Variants in HIVEP3 observed in about 807,000 individuals in gnomAD.
HIVEP3 encodes HIVEP zinc finger 3.
In HIVEP3, 49 loss-of-function variants were observed where a neutral mutation model predicts 152.8. The ratio of observed to expected loss-of-function variants is 0.32; its 90% CI spans 0.26 to 0.41. HIVEP3 has a LOEUF of 0.41. HIVEP3 is among the 10% of genes least tolerant of loss of function. The pLI, the probability that HIVEP3 is intolerant of heterozygous loss-of-function variation, is 1.00. For synonymous variants in HIVEP3, 1,269 were observed against 1,289.0 expected, an observed-to-expected ratio of 0.98 and a Z score of 0.33; for missense variants, 2,790 against 3,103.3, an observed-to-expected ratio of 0.90 and a Z score of 2.40.
At chr1:41,929,739 T>TATATATATATATATATATAC in intron 1 of HIVEP3, among the ~76,000 whole-genome samples, 1 of 133,944 alleles carries the variant, frequency 7.5e-6, no homozygotes, top group African/African-American at 3.3e-5. Flanking sequence ...TATATATATA[T>TATATATATATATATATATAC]ATATATATAT....
chr1:41,673,255 C>T (rs1645904836), intron 2 of HIVEP3, among the ~76,000 whole-genome samples: 1 of 152,224 alleles, frequency 6.6e-6, no homozygotes, highest in Admixed American at 6.5e-5. Context: ...CGACTGGGGT[C>T]TCCCAGAGGC....
At chr1:41,697,010 G>A (rs1391650821) in intron 2 of HIVEP3, among the ~76,000 whole-genome samples, 2 of 152,102 alleles carry the variant, frequency 1.3e-5, no homozygotes, top group African/African-American at 4.8e-5. Context: ...ACATTTATAC[G>A]GCTGGCTGGT....
intron 5 of HIVEP3, among the ~76,000 whole-genome samples, chr1:41,530,679 C>A (rs915661161): frequency 6.6e-6 from 1 of 152,192 alleles, no homozygotes; most frequent in Non-Finnish European, 1.5e-5. Context: ...TAGCCTTCAC[C>A]CTGCTGATCC....
chr1:41,555,497 C>T (rs993393451), intron 5 of HIVEP3, among the ~76,000 whole-genome samples: 8 of 152,218 alleles, frequency 5.3e-5, no homozygotes, highest in Admixed American at 1.3e-4. Context: ...CCTCCATGGG[C>T]TGCACCCACT....
At chr1:41,843,656 T>C (rs915229159) in intron 1 of HIVEP3, among the ~76,000 whole-genome samples, 5 of 152,176 alleles carry the variant, frequency 3.3e-5, no homozygotes, top group African/African-American at 1.2e-4. Flanking sequence ...ACTCACCCTT[T>C]AAAAGTAAAA....
intron 1 of HIVEP3, among the ~76,000 whole-genome samples, chr1:41,778,390 C>T (rs1290441926): frequency 6.6e-6 from 1 of 152,188 alleles, no homozygotes; most frequent in Non-Finnish European, 1.5e-5. Flanking sequence ...TCACCATGAG[C>T]CTGCCCGGCT....
chr1:42,021,649 C>G (rs1198986388), intron 1 of HIVEP3, among the ~76,000 whole-genome samples: 1 of 152,062 alleles, frequency 6.6e-6, no homozygotes, highest in Non-Finnish European at 1.5e-5. Flanking sequence ...CATCATACCA[C>G]AAGACTGAAT....
Position 41,883,077 on chromosome 1 carries a change from C to T in HIVEP3, c.-801+35336G>A, listed in dbSNP as rs886802539. ...AGTAAGAGACACTATTCCAAGGGGT[C>T]CCCTGGTCACACAGAAAATACAGGG... On this transcript the variant is annotated intron_variant, in intron 1 of 8. Coordinates refer to ENST00000372583, the MANE Select transcript of HIVEP3 (RefSeq NM_024503.5). 1.1e-4 allele frequency among the ~76,000 whole-genome samples: 17 copies of T among 152,210 alleles called. No individual in the cohort carries two copies. In the South Asian group the frequency reaches 3.5e-3, roughly 32 times the overall value.
At chr1:41,703,616 G>A (rs1241314825) in intron 1 of HIVEP3, among the ~76,000 whole-genome samples, 2 of 152,152 alleles carry the variant, frequency 1.3e-5, no homozygotes, top group African/African-American at 4.8e-5. Context: ...CATAGTAAGG[G>A]TTAGTTGTAA....
At chr1:41,561,899 A>G (rs527969892) in intron 5 of HIVEP3, among the ~76,000 whole-genome samples, 2 of 152,260 alleles carry the variant, frequency 1.3e-5, no homozygotes, top group African/African-American at 2.4e-5. Flanking sequence ...CCGTCCACAC[A>G]TGGCCACCAA....
intron 5 of HIVEP3, among the ~76,000 whole-genome samples, chr1:41,531,497 T>C (rs1643252471): frequency 1.1e-5 from 1 of 94,042 alleles, no homozygotes; most frequent in Non-Finnish European, 2.1e-5. Context: ...ACAGGAGAGA[T>C]GGAAGACAGG....
At chr1:42,000,198 TA>T (rs1333725244) in intron 1 of HIVEP3, among the ~76,000 whole-genome samples, 2 of 152,234 alleles carry the variant, frequency 1.3e-5, no homozygotes, top group African/African-American at 4.8e-5. Flanking sequence ...CTACCATAGA[TA>T]CTCTTTCCAT....
At chr1:41,995,217 T>A (rs964778594) in intron 1 of HIVEP3, among the ~76,000 whole-genome samples, 1 of 151,738 alleles carries the variant, frequency 6.6e-6, no homozygotes, top group Admixed American at 6.6e-5. Flanking sequence ...CCTAGACACA[T>A]CACAGTGAAA....
At chr1:41,934,960 C>T (rs918207364) in intron 1 of HIVEP3, among the ~76,000 whole-genome samples, 1 of 152,160 alleles carries the variant, frequency 6.6e-6, no homozygotes, top group African/African-American at 2.4e-5. Context: ...ATTGTTCATA[C>T]ATGTCACCAT....
intron 1 of HIVEP3, among the ~76,000 whole-genome samples, chr1:41,745,827 C>A (rs1647063520): frequency 6.6e-6 from 1 of 152,200 alleles, no homozygotes; most frequent in African/African-American, 2.4e-5. Context: ...ATAACACATC[C>A]CCTGAGAAAG....
At chr1:41,815,367 G>A (rs1387436693) in intron 1 of HIVEP3, among the ~76,000 whole-genome samples, 2 of 152,152 alleles carry the variant, frequency 1.3e-5, no homozygotes, top group Non-Finnish European at 2.9e-5. Context: ...AGCTATTCAG[G>A]AGGCTGAAAC....
intron 1 of HIVEP3, among the ~76,000 whole-genome samples, chr1:41,778,276 G>C (rs1192192075): frequency 1.4e-4 from 21 of 152,338 alleles, no homozygotes; most frequent in Admixed American, 1.4e-3. Context: ...CATTTGACAA[G>C]GCAAGAGAGT....
intron 1 of HIVEP3, among the ~76,000 whole-genome samples, chr1:41,790,124 A>T (rs1649603694): frequency 6.6e-6 from 1 of 152,182 alleles, no homozygotes; most frequent in Non-Finnish European, 1.5e-5. Context: ...TTGGATGTTC[A>T]TTCCCCCAAA....
intron 1 of HIVEP3, among the ~76,000 whole-genome samples, chr1:41,868,424 A>G (rs559803220): frequency 3.3e-5 from 5 of 152,074 alleles, no homozygotes; most frequent in South Asian, 4.1e-4. Flanking sequence ...TTTTATGCAA[A>G]TAAGTCTCTT....
Sources: allele counts gnomAD v4.1 joint callset (sites outside exome capture counted in the v4.1 genomes callset), GRCh38; gene constraint gnomAD v4.1.1; transcripts MANE v1.5; gene names NCBI Gene and HGNC (gene_info 2026-07-23, HGNC 2026-07-21).